Variants in CACNA1B observed in about 807,000 individuals in gnomAD.
The protein encoded by CACNA1B is calcium voltage-gated channel subunit alpha1 B.
In CACNA1B, 70 loss-of-function variants were observed where a neutral mutation model predicts 247.2. That is an observed-to-expected ratio of 0.28 (90% CI 0.23 to 0.35). The LOEUF (loss-of-function observed/expected upper bound fraction) is 0.35. Among genes scored for constraint, CACNA1B ranks in the 10% least tolerant of loss-of-function variants. CACNA1B has a pLI of 1.00. For missense variants in CACNA1B, 2,367 were observed against 3,197.4 expected (o/e 0.74, Z 6.26); for synonymous variants, 1,231 against 1,294.4 (o/e 0.95, Z 1.05).
chr9:137,980,795 A>G lies in CACNA1B; in HGVS notation c.1657-3343A>G, dbSNP rs1958285162. ...GTTTCTGCATTAATTCACTTAGGATAATGGCCTCTGGCCACATCCATATTA... is the reference window on the plus strand; with the variant it reads ...GTTTCTGCATTAATTCACTTAGGATGATGGCCTCTGGCCACATCCATATTA... On this transcript the variant is annotated intron_variant, in intron 12 of 46. Transcript: ENST00000371372. Among the ~76,000 whole-genome samples the G allele has an allele frequency of 2.0e-5, 3 of 152,212 alleles. No homozygotes were observed. In the South Asian group the frequency reaches 6.2e-4, roughly 32 times the overall value.
chr9:137,989,519 C>A (rs1589051698), intron 15 of CACNA1B, among the ~76,000 whole-genome samples: 1 of 152,202 alleles, frequency 6.6e-6, no homozygotes, highest in African/African-American at 2.4e-5. Context: ...CAGACCTAGA[C>A]AAATTGTGAT....
At chr9:137,980,127 C>A (rs1356928455) in intron 12 of CACNA1B, among the ~76,000 whole-genome samples, 1 of 152,188 alleles carries the variant, frequency 6.6e-6, no homozygotes, top group South Asian at 2.1e-4. Flanking sequence ...AATCTAAAGA[C>A]CTATTTTCGT....
At chr9:138,005,507 C>G (rs988138746) in intron 15 of CACNA1B, among the ~76,000 whole-genome samples, 2 of 152,154 alleles carry the variant, frequency 1.3e-5, no homozygotes, top group African/African-American at 4.8e-5. Flanking sequence ...GGTACAAACA[C>G]AGTTAGATAG....
At chr9:137,907,172 C>G (rs1588997097) in intron 3 of CACNA1B, among the ~76,000 whole-genome samples, 1 of 152,264 alleles carries the variant, frequency 6.6e-6, no homozygotes, top group African/African-American at 2.4e-5. Context: ...CAGCTCTCCT[C>G]TACCCCTTAA....
In CACNA1B at chr9:138,121,659, G is replaced by T. The variant is rs1480318519; in HGVS notation, c.6680G>T (p.Arg2227Leu). Residue 2227 changes from arginine (R) to leucine (L), a missense_variant, in exon 47 of 47, where the codon CGG becomes CTG. Physicochemically the swap from Arg to Leu is moderately radical, Grantham distance 102. Transcript: ENST00000371372. The surrounding 1 kb of genome is among the most constrained non-coding windows in gnomAD (Gnocchi z 6.8). ...QTSLPAFSPG[R>L]LSRGLSEHNA... ...AGCCTCCCTGCCTTCTCCCCAGGCC[G>T]GCTCAGCCGTGGGCTTTCCGAACAC... is the stretch of plus-strand genomic sequence containing the variant. The T allele has an allele frequency of 6.2e-7, 1 of 1,612,798 alleles. No homozygotes were observed. Among genetic ancestry groups the T allele is most frequent in the South Asian group, 1.1e-5 (1 of 91,040 alleles).
At chr9:137,907,090 G>A (rs571270854) in intron 3 of CACNA1B, among the ~76,000 whole-genome samples, 1 of 152,200 alleles carries the variant, frequency 6.6e-6, no homozygotes, top group African/African-American at 2.4e-5. Context: ...ACCTTTCGCT[G>A]TGTGTGTATC....
chr9:138,094,169 C>T (rs981020910), intron 36 of CACNA1B, among the ~76,000 whole-genome samples: 5 of 152,108 alleles, frequency 3.3e-5, no homozygotes, highest in South Asian at 2.1e-4. Flanking sequence ...AAGCTAGTCA[C>T]AAAAGGACAG....
chr9:137,928,559 G>T (rs1044732266), intron 6 of CACNA1B, among the ~76,000 whole-genome samples: 2 of 152,154 alleles, frequency 1.3e-5, no homozygotes, highest in African/African-American at 4.8e-5. Flanking sequence ...GGATTCTACT[G>T]TGAAACTCTC....
rs1198704602 is a variant in CACNA1B at position 137,884,965 on chromosome 9, C to T, written c.530+2082C>T. Among the ~76,000 whole-genome samples the T allele has an allele frequency of 8.1e-5, 9 of 110,730 alleles. 1 individual carries two copies. The highest frequency in any genetic ancestry group is 1.2e-4 in the Non-Finnish European group (6 of 48,810). 72.6% of individuals were successfully genotyped at this position (110,730 alleles called of 152,430 possible). On this transcript the variant is annotated intron_variant, in intron 3 of 46. Transcript: ENST00000371372. The stretch of plus-strand genomic sequence containing the variant: ...TCCCTCCTCTCCCCTCTTCCCCCCC[C>T]CCCTCCTCCCACTTTGCCTGTCTAG...
intron 6 of CACNA1B, among the ~76,000 whole-genome samples, chr9:137,938,075 A>C (rs976925122): frequency 1.3e-5 from 2 of 151,984 alleles, no homozygotes; most frequent in Non-Finnish European, 2.9e-5. Context: ...CAACAGAAAC[A>C]CTACAAGCTA....
chr9:138,054,549 G>A lies in CACNA1B; in HGVS notation c.3968+543G>A, dbSNP rs561727049. ...AGTGTCTTCCTGCCCACGCGGCAGC[G>A]TCCCAGCTGCTTCTGTGTGAATATC... is the stretch of plus-strand genomic sequence containing the variant. On this transcript the variant is annotated intron_variant, in intron 26 of 46. Transcript: ENST00000371372. This position sits in a 1 kb window ranked among gnomAD's most constrained non-coding sequence, Gnocchi z 4.6. Among the ~76,000 whole-genome samples, 43 of 152,360 alleles carry A rather than the reference G, an allele frequency of 2.8e-4. 1 individual carries two copies. In the South Asian group the frequency reaches 2.9e-3, roughly 10 times the overall value.
At position 138,051,158 on chromosome 9, in the gene CACNA1B, G is replaced by A. The variant is rs980398204; in HGVS notation, c.3711-934G>A. The stretch of plus-strand genomic sequence containing the variant: ...GGCTTTGCTTCTGAGAACGGGGGCC[G>A]CCTTAGGAGGAAATCTCTCCTAGAC... On this transcript the variant is annotated intron_variant, in intron 24 of 46. Coordinates refer to ENST00000371372, the MANE Select transcript of CACNA1B (RefSeq NM_000718.4). This position sits in a 1 kb window ranked among gnomAD's most constrained non-coding sequence, Gnocchi z 4.3. Among the ~76,000 whole-genome samples the A allele has an allele frequency of 5.9e-5, 9 of 152,018 alleles. No homozygotes were observed. Among genetic ancestry groups the A allele is most frequent in the Non-Finnish European group, 1.0e-4 (7 of 68,002 alleles).
intron 3 of CACNA1B, among the ~76,000 whole-genome samples, chr9:137,894,232 G>A (rs1051843934): frequency 2.7e-5 from 4 of 150,566 alleles, no homozygotes; most frequent in South Asian, 2.1e-4. Flanking sequence ...TGGATGTCCC[G>A]TTTCACATTT....
At chr9:137,911,564 C>T (rs141551814) in intron 3 of CACNA1B, among the ~76,000 whole-genome samples, 60 of 152,274 alleles carry the variant, frequency 3.9e-4, no homozygotes, top group African/African-American at 1.3e-3. Flanking sequence ...TACAGGCATG[C>T]GCTACTGCGC....
chr9:137,995,658 A>G (rs765403417), intron 15 of CACNA1B, among the ~76,000 whole-genome samples: 2 of 152,260 alleles, frequency 1.3e-5, no homozygotes, highest in Non-Finnish European at 2.9e-5. Flanking sequence ...AAGCAAATGC[A>G]ACAAAAACAA....
intron 6 of CACNA1B, among the ~76,000 whole-genome samples, chr9:137,927,022 A>T (rs1352521215): frequency 2.0e-5 from 3 of 152,158 alleles, no homozygotes; most frequent in Non-Finnish European, 4.4e-5. Flanking sequence ...GATGCACAAC[A>T]TTTTAAAATT....
chr9:138,037,428 G>A (rs1959060099), intron 20 of CACNA1B, among the ~76,000 whole-genome samples: 1 of 152,222 alleles, frequency 6.6e-6, no homozygotes, highest in Non-Finnish European at 1.5e-5. Flanking sequence ...GGAGGCCAAG[G>A]TGGGAGGATC....
rs761811377 is a variant in CACNA1B, at chr9:138,081,614, A to G, written c.5094+3356A>G. 2.0e-4 allele frequency among the ~76,000 whole-genome samples: 30 copies of G among 151,238 alleles called. 1 individual carries two copies. The highest frequency in any genetic ancestry group is 5.2e-4 in the Admixed American group (8 of 15,250). On this transcript the variant is annotated intron_variant, in intron 36 of 46. Transcript: ENST00000371372. ...AGGTTGTTCATGACAGCCTGCTGATAATCACTGAGTCAGGCACTATGCAGG... is the reference window on the plus strand; with the variant it reads ...AGGTTGTTCATGACAGCCTGCTGATGATCACTGAGTCAGGCACTATGCAGG...
At chr9:138,107,723 G>A (rs193146434) in intron 39 of CACNA1B, among the ~76,000 whole-genome samples, 15 of 152,214 alleles carry the variant, frequency 9.9e-5, no homozygotes, top group South Asian at 8.3e-4. Flanking sequence ...AGTGGCTCAC[G>A]TCTGTAGTCC....
Sources: gnomAD v4.1 joint callset for allele counts (sites outside exome capture counted in the v4.1 genomes callset) on GRCh38, gnomAD v4.1.1 for gene constraint, Gnocchi (gnomAD v3.1) non-coding constraint, MANE v1.5 for transcripts, NCBI Gene and HGNC (gene_info 2026-07-23, HGNC 2026-07-21) for gene names.